SYNJ2BP: variants seen among roughly 807,000 people sequenced by gnomAD.
The protein encoded by SYNJ2BP is synaptojanin-2-binding protein.
A neutral mutation model predicts 16.9 loss-of-function variants in SYNJ2BP; 10 were observed. That is an observed-to-expected ratio of 0.59 (90% CI 0.36 to 1.00). The LOEUF is 1.00. Ranked by LOEUF, SYNJ2BP falls within the 50% of genes least tolerant of loss-of-function variation. SYNJ2BP has a pLI of 0.01. For synonymous variants in SYNJ2BP, 54 were observed against 68.4 expected (o/e 0.79, Z 1.04); for missense variants, 162 against 186.7 (o/e 0.87, Z 0.77).
rs115047472 is a variant in SYNJ2BP, at chr14:70,395,276, C to A, written c.65-6670G>T. Among the ~76,000 whole-genome samples, 800 of 152,256 alleles carry A rather than the reference C, an allele frequency of 5.3e-3. 7 individuals carry two copies. Among genetic ancestry groups the A allele is most frequent in the African/African-American group, 0.019 (778 of 41,544 alleles). On this transcript the variant is annotated intron_variant, in intron 1 of 3. Coordinates refer to ENST00000256366, the MANE Select transcript of SYNJ2BP (RefSeq NM_018373.3). ...AATCTAAAAGTTATAAAGTAAATGA[C>A]CAGTGTTAACCTGTTATTCTAGAAA...
rs1285034128 is a variant in SYNJ2BP at position 70,367,929 on chromosome 14, G to C, written c.*5062C>G. On this transcript the variant is annotated 3_prime_UTR_variant, in exon 4 of 4. Transcript: ENST00000256366. ...TATCTTCGGCACCTAGCACATAGTA[G>C]GCAGTCATTAGTTATTTGCTGAATG... 6.6e-6 allele frequency: 1 copy of C among 152,088 alleles called. No homozygotes were observed. Among genetic ancestry groups the C allele is most frequent in the Non-Finnish European group, 1.5e-5 (1 of 68,010 alleles). 9.4% of individuals were successfully genotyped at this position (152,088 alleles called of 1,614,324 possible). A position where few individuals can be genotyped will look rare whatever the true frequency, so the allele number is the denominator to read the frequency against.
chr14:70,377,093 C>T (rs1289398394), intron 2 of SYNJ2BP, among the ~76,000 whole-genome samples: 1 of 152,212 alleles, frequency 6.6e-6, no homozygotes, highest in Non-Finnish European at 1.5e-5. Flanking sequence ...ATTAGACATG[C>T]TTCAGCTCCA....
intron 2 of SYNJ2BP, among the ~76,000 whole-genome samples, chr14:70,383,297 G>T (rs570130772): frequency 6.6e-6 from 1 of 152,272 alleles, no homozygotes; most frequent in African/African-American, 2.4e-5. Flanking sequence ...ATTGGATGAG[G>T]GTTTCTGCTG....
Position 70,368,283 on chromosome 14 carries a change from A to T in SYNJ2BP, c.*4708T>A, listed in dbSNP as rs186054639. 3.9e-5 allele frequency: 6 copies of T among 152,326 alleles called. No homozygotes were observed. In the East Asian group the frequency reaches 1.2e-3, roughly 29 times the overall value. 9.4% of individuals were successfully genotyped at this position (152,326 alleles called of 1,614,324 possible). A position where few individuals can be genotyped will look rare whatever the true frequency, so the allele number is the denominator to read the frequency against. On this transcript the variant is annotated 3_prime_UTR_variant, in exon 4 of 4. Transcript: ENST00000256366. Reference sequence around the variant, plus strand: ...AATAATGATGCTTGCAATATCCTTTAGCTGTCTATCAGTTCTGGTCTTTAT... The same window carrying T: ...AATAATGATGCTTGCAATATCCTTTTGCTGTCTATCAGTTCTGGTCTTTAT...
chr14:70,416,388 A>G (rs1888609696), intron 1 of SYNJ2BP, among the ~76,000 whole-genome samples: 1 of 151,766 alleles, frequency 6.6e-6, no homozygotes, highest in African/African-American at 2.4e-5. Flanking sequence ...TGTGTAATAA[A>G]AGATTTCTAA....
At chr14:70,377,669 A>G (rs1887661903) in intron 2 of SYNJ2BP, among the ~76,000 whole-genome samples, 1 of 152,156 alleles carries the variant, frequency 6.6e-6, no homozygotes, top group African/African-American at 2.4e-5. Context: ...TTCCTTTTCA[A>G]GGTGAAACCA....
rs145790700 is a variant in SYNJ2BP at position 70,381,853 on chromosome 14, T to C, written c.202-6082A>G. 2.2e-3 allele frequency among the ~76,000 whole-genome samples: 335 copies of C among 152,356 alleles called. 2 individuals carry two copies. Among genetic ancestry groups the C allele is most frequent in the African/African-American group, 7.8e-3 (325 of 41,574 alleles). On this transcript the variant is annotated intron_variant, in intron 2 of 3. Coordinates refer to ENST00000256366, the MANE Select transcript of SYNJ2BP (RefSeq NM_018373.3). ...CCTATTTAATATACCCCTTTCTACA[T>C]ATCCCTTGCATCTACAGATTTCATT...
At chr14:70,379,873 T>C (rs1425044003) in intron 2 of SYNJ2BP, among the ~76,000 whole-genome samples, 2 of 152,182 alleles carry the variant, frequency 1.3e-5, no homozygotes, top group South Asian at 2.1e-4. Flanking sequence ...GAATGCCAAA[T>C]GATGTCACAG....
intron 1 of SYNJ2BP, among the ~76,000 whole-genome samples, chr14:70,391,399 A>T (rs1344418513): frequency 6.6e-6 from 1 of 152,204 alleles, no homozygotes; most frequent in Non-Finnish European, 1.5e-5. Context: ...AGCACCCTCA[A>T]TTTGTATCAT....
intron 1 of SYNJ2BP, among the ~76,000 whole-genome samples, chr14:70,410,241 C>G (rs1292497824): frequency 1.3e-5 from 2 of 151,960 alleles, no homozygotes; most frequent in East Asian, 3.9e-4. Flanking sequence ...ATGGTGAAAC[C>G]CCGTCTCTAT....
At chr14:70,396,089 C>CA (rs1888086393) in intron 1 of SYNJ2BP, among the ~76,000 whole-genome samples, 1 of 152,050 alleles carries the variant, frequency 6.6e-6, no homozygotes, top group Admixed American at 6.6e-5. Context: ...CACTGGTGTA[C>CA]AAATATCTGT....
chr14:70,374,418 T>G (rs2140806943), intron 3 of SYNJ2BP, among the ~76,000 whole-genome samples: 1 of 152,336 alleles, frequency 6.6e-6, no homozygotes, highest in African/African-American at 2.4e-5. Flanking sequence ...TTCTTAAGCT[T>G]CTAAATCCTT....
At chr14:70,375,609 A>T in intron 3 of SYNJ2BP, 67 bp downstream of exon 3, 3 of 1,559,218 alleles carry the variant, frequency 1.9e-6, no homozygotes, top group Non-Finnish European at 2.6e-6. Flanking sequence ...GATTACACAC[A>T]TTGGGCTTAT....
In SYNJ2BP at chr14:70,368,544, T is replaced by C. The variant is rs1000628183; in HGVS notation, c.*4447A>G. On this transcript the variant is annotated 3_prime_UTR_variant, in exon 4 of 4. Transcript: ENST00000256366. ...TTTAGCTTCAATGTTCTATGATTGG[T>C]TCTCATTTAATTGATGCACCAACTG... The C allele has an allele frequency of 6.6e-6, 1 of 152,164 alleles. No homozygotes were observed. Among genetic ancestry groups the C allele is most frequent in the Non-Finnish European group, 1.5e-5 (1 of 68,036 alleles). The allele number at this position is 152,164 out of a possible 1,614,324, so 9.4% of individuals were successfully genotyped here.
chr14:70,397,424 T>C (rs901010251), intron 1 of SYNJ2BP, among the ~76,000 whole-genome samples: 3 of 152,204 alleles, frequency 2.0e-5, no homozygotes, highest in African/African-American at 4.8e-5. Flanking sequence ...CCAGATCAAT[T>C]TTTCAACATT....
intron 3 of SYNJ2BP, 34 bp downstream of exon 3, chr14:70,375,642 T>C: frequency 6.2e-7 from 1 of 1,600,602 alleles, no homozygotes; most frequent in Non-Finnish European, 8.5e-7. Context: ...TGCAAAAGCC[T>C]GGTGCCAGGT....
intron 1 of SYNJ2BP, among the ~76,000 whole-genome samples, chr14:70,395,157 T>C (rs866778565): frequency 6.6e-6 from 1 of 152,354 alleles, no homozygotes; most frequent in African/African-American, 2.4e-5. Flanking sequence ...AATTCACCAC[T>C]ATAGAGTTTT....
intron 1 of SYNJ2BP, among the ~76,000 whole-genome samples, chr14:70,412,646 G>A (rs549792788): frequency 2.4e-5 from 3 of 126,800 alleles, no homozygotes; most frequent in Admixed American, 8.4e-5. Context: ...GCACACTACC[G>A]GAAAGACAAT....
intron 1 of SYNJ2BP, among the ~76,000 whole-genome samples, chr14:70,397,777 G>A (rs1888134139): frequency 6.6e-6 from 1 of 152,208 alleles, no homozygotes; most frequent in East Asian, 1.9e-4. Flanking sequence ...GCATGTCTCA[G>A]CCCTGACTGT....
Sources: allele counts gnomAD v4.1 joint callset (sites outside exome capture counted in the v4.1 genomes callset), GRCh38; gene constraint gnomAD v4.1.1; transcripts MANE v1.5; gene names NCBI Gene and HGNC (gene_info 2026-07-23, HGNC 2026-07-21).